Variants in RASA2 observed in about 807,000 individuals in gnomAD.
RASA2 encodes the protein ras GTPase-activating protein 2.
In RASA2, 155 loss-of-function variants were observed where a neutral mutation model predicts 118.2. The observed-to-expected ratio is 1.31, with a 90% CI of 1.15 to 1.50. RASA2 has a LOEUF of 1.50. RASA2 is among the 40% of genes most tolerant of loss of function. RASA2 has a pLI of 0.00. For missense variants in RASA2, 1,016 were observed against 1,009.6 expected, an observed-to-expected ratio of 1.01 and a Z score of -0.09; for synonymous variants, 353 against 349.1, an observed-to-expected ratio of 1.01 and a Z score of -0.12.
At chr3:141,505,624 C>G (rs1372568842) in intron 1 of RASA2, among the ~76,000 whole-genome samples, 1 of 152,100 alleles carries the variant, frequency 6.6e-6, no homozygotes, top group Non-Finnish European at 1.5e-5. Flanking sequence ...GTAGATAGCA[C>G]CTGATCATGG....
At chr3:141,574,411 G>C (rs531816477) in intron 14 of RASA2, among the ~76,000 whole-genome samples, 2 of 151,976 alleles carry the variant, frequency 1.3e-5, no homozygotes, top group East Asian at 3.9e-4. Flanking sequence ...GGATAGTCTC[G>C]ATCTCCTGAA....
intron 1 of RASA2, among the ~76,000 whole-genome samples, chr3:141,501,374 A>G (rs1276373728): frequency 1.3e-5 from 2 of 152,164 alleles, no homozygotes; most frequent in African/African-American, 4.8e-5. Context: ...TTGTATATAG[A>G]TGCTAATTTT....
chr3:141,582,242 T>G (rs902529605), intron 17 of RASA2, among the ~76,000 whole-genome samples: 1 of 152,250 alleles, frequency 6.6e-6, no homozygotes, highest in Non-Finnish European at 1.5e-5. Context: ...AAAATGATGA[T>G]TTAAAAAATT....
chr3:141,590,837 G>T (rs1393022290), intron 19 of RASA2, among the ~76,000 whole-genome samples: 2 of 152,292 alleles, frequency 1.3e-5, no homozygotes, highest in Non-Finnish European at 2.9e-5. Flanking sequence ...ACTGGAAAAT[G>T]AATTAGTAGA....
At chr3:141,511,278 A>T (rs1033521260) in intron 1 of RASA2, among the ~76,000 whole-genome samples, 4 of 152,218 alleles carry the variant, frequency 2.6e-5, no homozygotes, top group African/African-American at 7.2e-5. Context: ...ACAGTTAAAT[A>T]GTCACATCTA....
chr3:141,508,312 G>A (rs2151077603), intron 1 of RASA2, among the ~76,000 whole-genome samples: 1 of 152,072 alleles, frequency 6.6e-6, no homozygotes, highest in South Asian at 2.1e-4. Flanking sequence ...AATGAAGAGT[G>A]GTCAAATAAG....
intron 4 of RASA2, among the ~76,000 whole-genome samples, chr3:141,539,515 G>T (rs1426048885): frequency 1.3e-5 from 2 of 152,098 alleles, no homozygotes; most frequent in Non-Finnish European, 2.9e-5. Flanking sequence ...TTCTGTGAAA[G>T]AATTTTTGAA....
At chr3:141,584,264 G>A (rs2083162269) in intron 17 of RASA2, among the ~76,000 whole-genome samples, 1 of 149,286 alleles carries the variant, frequency 6.7e-6, no homozygotes, top group Non-Finnish European at 1.5e-5. Flanking sequence ...CTGAGAGGTG[G>A]AGGTTGAAGT....
At chr3:141,551,122 A>G (rs1003542770) in intron 5 of RASA2, among the ~76,000 whole-genome samples, 2 of 151,674 alleles carry the variant, frequency 1.3e-5, no homozygotes, top group African/African-American at 4.8e-5. Context: ...ATTCCTGGTT[A>G]TTTTCTGTTG....
chr3:141,490,261 G>A (rs2081624259), intron 1 of RASA2, among the ~76,000 whole-genome samples: 1 of 145,950 alleles, frequency 6.9e-6, no homozygotes, highest in South Asian at 2.2e-4. Flanking sequence ...CCATTCTTCG[G>A]TCTGCACTCC....
rs756330842 is a variant in RASA2 at position 141,586,765 on chromosome 3, A to C, written c.1933+13A>C. On this transcript the variant is annotated intron_variant, in intron 19 of 23. Transcript: ENST00000286364. ...CACAAACAGCCAGGTAGTTGTGTTT[A>C]TGCTTTATTGTGGGGTTTTTCCTGG... 6.9e-6 allele frequency: 11 copies of C among 1,591,580 alleles called. No individual in the cohort carries two copies. Among genetic ancestry groups the C allele is most frequent in the South Asian group, 1.1e-5 (1 of 90,362 alleles).
chr3:141,590,392 A>T (rs1419907612), intron 19 of RASA2, among the ~76,000 whole-genome samples: 1 of 152,180 alleles, frequency 6.6e-6, no homozygotes, highest in Admixed American at 6.5e-5. Flanking sequence ...ATGTCTGTGA[A>T]CCATAATATA....
At chr3:141,556,983 T>C (rs186293939) in intron 7 of RASA2, among the ~76,000 whole-genome samples, 28 of 152,228 alleles carry the variant, frequency 1.8e-4, no homozygotes, top group African/African-American at 6.7e-4. Flanking sequence ...CGTTTATTAA[T>C]GGCGGTTGCA....
rs73871834 is a variant in RASA2 at position 141,581,027 on chromosome 3, C to G, written c.1675-73C>G. 1.8e-3 allele frequency: 2,523 copies of G among 1,393,056 alleles called. 40 individuals carry two copies. In the African/African-American group the frequency reaches 0.034, roughly 19 times the overall value. The allele number at this position is 1,393,056 out of a possible 1,614,324, so 86.3% of individuals were successfully genotyped here. A position where few individuals can be genotyped will look rare whatever the true frequency, so the allele number is the denominator to read the frequency against. Reference sequence around the variant, plus strand: ...AGTCCTTTTAGGCCTTAATCCTCAGCTTAAAAATACAGTCCATTCTATTCT... The same window carrying G: ...AGTCCTTTTAGGCCTTAATCCTCAGGTTAAAAATACAGTCCATTCTATTCT... On this transcript the variant is annotated intron_variant, in intron 16 of 23. Coordinates refer to ENST00000286364, the MANE Select transcript of RASA2 (RefSeq NM_006506.5).
intron 1 of RASA2, among the ~76,000 whole-genome samples, chr3:141,489,813 A>G (rs1201567176): frequency 1.3e-5 from 2 of 151,908 alleles, no homozygotes; most frequent in East Asian, 1.9e-4. Context: ...ACAAGGTGAA[A>G]TATCTGTCAG....
chr3:141,598,034 C>G (rs1274222366), intron 19 of RASA2, among the ~76,000 whole-genome samples: 2 of 151,970 alleles, frequency 1.3e-5, no homozygotes, highest in African/African-American at 4.8e-5. Context: ...TCTTAAAAAC[C>G]CTGTATCTCT....
chr3:141,606,965 A>G (rs2107800000), intron 19 of RASA2, among the ~76,000 whole-genome samples: 1 of 152,326 alleles, frequency 6.6e-6, no homozygotes, highest in South Asian at 2.1e-4. Flanking sequence ...TATGTGAGAT[A>G]TAATTTATTC....
rs546767520 is a variant in RASA2, at chr3:141,509,961, A to G, written c.134-2202A>G. On this transcript the variant is annotated intron_variant, in intron 1 of 23. Coordinates refer to ENST00000286364, the MANE Select transcript of RASA2 (RefSeq NM_006506.5). ...CTAAATTTGTTTATTCTGTTTAAGT[A>G]GTAACTTTATTTTTTTAGTGACAGA... Among the ~76,000 whole-genome samples, 10 of 152,352 alleles carry G rather than the reference A, an allele frequency of 6.6e-5. No individual in the cohort carries two copies. In the South Asian group the frequency reaches 1.7e-3, roughly 25 times the overall value.
intron 17 of RASA2, among the ~76,000 whole-genome samples, chr3:141,583,697 A>T (rs1162013053): frequency 6.6e-6 from 1 of 152,126 alleles, no homozygotes; most frequent in Non-Finnish European, 1.5e-5. Context: ...TCCATTTCAA[A>T]ACTCCTTAAG....
Sources: allele counts gnomAD v4.1 joint callset (sites outside exome capture counted in the v4.1 genomes callset), GRCh38; gene constraint gnomAD v4.1.1; transcripts MANE v1.5; gene names NCBI Gene and HGNC (gene_info 2026-07-23, HGNC 2026-07-21).